UNC13C: variants seen among roughly 807,000 people sequenced by gnomAD.
UNC13C encodes unc-13 homolog C.
Under a neutral mutation model 245.4 loss-of-function variants are expected in UNC13C, and 174 were observed. The observed-to-expected ratio is 0.71, with a 90% CI of 0.63 to 0.80. The LOEUF (loss-of-function observed/expected upper bound fraction) is 0.80, where lower values mean the gene tolerates loss of function less well. Ranked by LOEUF, UNC13C falls within the 30% of genes least tolerant of loss-of-function variation. UNC13C has a pLI of 0.00. For synonymous variants in UNC13C, 992 were observed against 895.1 expected (o/e 1.11, Z -1.93); for missense variants, 2,829 against 2,602.9 (o/e 1.09, Z -1.89).
At chr15:53,872,224 T>C in the UNC13C span, among the ~76,000 whole-genome samples, 1 of 152,144 alleles carries the variant, frequency 6.6e-6, no homozygotes, top group Non-Finnish European at 1.5e-5. Flanking sequence ...GTGGTGGTAA[T>C]AGCATTTTTG....
At chr15:54,356,111 A>G (rs2039089432) in intron 17 of UNC13C, among the ~76,000 whole-genome samples, 1 of 152,170 alleles carries the variant, frequency 6.6e-6, no homozygotes, top group Non-Finnish European at 1.5e-5. Flanking sequence ...GACATTTCAC[A>G]ATGTATTTAG....
At chr15:54,596,840 T>C (rs1293707280) in intron 30 of UNC13C, among the ~76,000 whole-genome samples, 4 of 152,172 alleles carry the variant, frequency 2.6e-5, no homozygotes, top group Admixed American at 2.6e-4. Context: ...CCTTCTACCA[T>C]GAATAAAAAC....
At chr15:54,180,204 GT>G (rs1045060263) in intron 4 of UNC13C, among the ~76,000 whole-genome samples, 14 of 151,828 alleles carry the variant, frequency 9.2e-5, no homozygotes, top group African/African-American at 3.4e-4. Flanking sequence ...ACATCTTTAT[GT>G]CCATGAGTAC....
chr15:54,342,599 C>T (rs1370221599), intron 17 of UNC13C, among the ~76,000 whole-genome samples: 2 of 151,952 alleles, frequency 1.3e-5, no homozygotes, highest in African/African-American at 4.8e-5. Flanking sequence ...CCTGTCCTTT[C>T]AGGAAGAGTG....
chr15:53,848,765 T>G, the UNC13C span, among the ~76,000 whole-genome samples: 7 of 152,246 alleles, frequency 4.6e-5, no homozygotes, highest in South Asian at 6.2e-4. Flanking sequence ...ATAATTATGG[T>G]TTTTAACTAC....
chr15:54,121,319 A>C (rs556652184), intron 2 of UNC13C, among the ~76,000 whole-genome samples: 2 of 152,314 alleles, frequency 1.3e-5, no homozygotes, highest in East Asian at 3.9e-4. Context: ...CGGAAGGCTC[A>C]GACGATTGTT....
intron 12 of UNC13C, among the ~76,000 whole-genome samples, chr15:54,298,851 A>G (rs1717969439): frequency 6.6e-6 from 1 of 152,222 alleles, no homozygotes; most frequent in African/African-American, 2.4e-5. Context: ...TTCCTCAGAA[A>G]AAGACAACTG....
At chr15:53,886,280 A>G in the UNC13C span, among the ~76,000 whole-genome samples, 2 of 152,172 alleles carry the variant, frequency 1.3e-5, no homozygotes, top group African/African-American at 4.8e-5. Flanking sequence ...GGGCATATAC[A>G]AGATGAGCTT....
chr15:53,855,166 G>T, the UNC13C span, among the ~76,000 whole-genome samples: 1 of 152,188 alleles, frequency 6.6e-6, no homozygotes, highest in Non-Finnish European at 1.5e-5. Context: ...GCTTTCTGAA[G>T]TTACTCGTCA....
At chr15:54,226,828 G>T (rs2140801552) in intron 4 of UNC13C, among the ~76,000 whole-genome samples, 1 of 152,302 alleles carries the variant, frequency 6.6e-6, no homozygotes, top group East Asian at 1.9e-4. Flanking sequence ...AGGGATCATG[G>T]TGGTGCCTGG....
chr15:54,371,717 T>TACAC (rs10593078), intron 17 of UNC13C, among the ~76,000 whole-genome samples: 54 of 149,688 alleles, frequency 3.6e-4, no homozygotes, highest in South Asian at 4.2e-4. Context: ...TATATATATA[T>TACAC]ACACACACAC....
chr15:54,354,776 G>C (rs1337866473), intron 17 of UNC13C, among the ~76,000 whole-genome samples: 1 of 152,098 alleles, frequency 6.6e-6, no homozygotes, highest in African/African-American at 2.4e-5. Flanking sequence ...CCCAAATTCT[G>C]CATAAAATGT....
At chr15:54,506,982 C>T in intron 22 of UNC13C, 135 bp from the exon 23 acceptor site, 1 of 525,056 alleles carries the variant, frequency 1.9e-6, no homozygotes, top group Non-Finnish European at 3.3e-6. Flanking sequence ...GGCTCAGAAA[C>T]AGTTGTTAGA....
intron 20 of UNC13C, among the ~76,000 whole-genome samples, 152 bp from the exon 21 acceptor site, chr15:54,499,927 A>G (rs1266736323): frequency 6.6e-6 from 1 of 152,134 alleles, no homozygotes; most frequent in African/African-American, 2.4e-5. Context: ...GATGGAGAAC[A>G]GGTAAAGGTC....
chr15:54,253,025 A>T (rs1768604621), intron 8 of UNC13C, among the ~76,000 whole-genome samples: 1 of 152,216 alleles, frequency 6.6e-6, no homozygotes, highest in Non-Finnish European at 1.5e-5. Context: ...TAAATTAATT[A>T]TCTAGTTTTC....
At chr15:54,294,579 G>C (rs2037382660) in intron 11 of UNC13C, among the ~76,000 whole-genome samples, 1 of 151,994 alleles carries the variant, frequency 6.6e-6, no homozygotes, top group African/African-American at 2.4e-5. Context: ...TGATTAATTG[G>C]AATGATTTAA....
intron 20 of UNC13C, among the ~76,000 whole-genome samples, chr15:54,495,824 G>C (rs762285192): frequency 2.0e-5 from 3 of 151,916 alleles, no homozygotes; most frequent in Admixed American, 1.3e-4. Flanking sequence ...GAGTGATTTA[G>C]AGATGAAATT....
intron 7 of UNC13C, among the ~76,000 whole-genome samples, chr15:54,239,634 T>G (rs949004783): frequency 1.3e-5 from 2 of 152,134 alleles, no homozygotes; most frequent in East Asian, 3.9e-4. Flanking sequence ...CTTTTTTTTT[T>G]AGAGACAGGG....
chr15:54,335,102 T>A (rs1023890919), intron 16 of UNC13C, among the ~76,000 whole-genome samples: 1 of 152,192 alleles, frequency 6.6e-6, no homozygotes, highest in African/African-American at 2.4e-5. Context: ...TTAGTATTGA[T>A]GAGCCATCTG....
Sources: gnomAD v4.1 joint callset for allele counts (sites outside exome capture counted in the v4.1 genomes callset) on GRCh38, gnomAD v4.1.1 for gene constraint, MANE v1.5 for transcripts, NCBI Gene and HGNC (gene_info 2026-07-23, HGNC 2026-07-21) for gene names.